The following SLC9C1 variants were observed in gnomAD, a reference collection of about 807,000 sequenced individuals.
SLC9C1 encodes the protein sodium/hydrogen exchanger 10.
SLC9C1 carries 97 observed loss-of-function variants against 140.9 expected under a neutral mutation model. The observed-to-expected ratio is 0.69, with a 90% CI of 0.58 to 0.82. SLC9C1 has a LOEUF of 0.82. Ranked by LOEUF, SLC9C1 falls within the 40% of genes least tolerant of loss-of-function variation. The pLI, the probability that SLC9C1 is intolerant of heterozygous loss-of-function variation, is 0.00. For missense variants in SLC9C1, 1,340 were observed against 1,389.3 expected (o/e 0.96, Z 0.56); for synonymous variants, 440 against 442.6 (o/e 0.99, Z 0.07).
intron 10 of SLC9C1, among the ~76,000 whole-genome samples, chr3:112,256,257 T>C (rs2079603231): frequency 6.6e-6 from 1 of 152,008 alleles, no homozygotes; most frequent in Non-Finnish European, 1.5e-5. Flanking sequence ...TATCAAAACC[T>C]GGCAGAGAAA....
chr3:112,287,160 A>G (rs946858821), intron 1 of SLC9C1, among the ~76,000 whole-genome samples: 1 of 152,208 alleles, frequency 6.6e-6, no homozygotes, highest in Non-Finnish European at 1.5e-5. Context: ...AGGATTCTCC[A>G]TCTAACTATT....
chr3:112,175,228 C>T (rs1490170430), intron 23 of SLC9C1, among the ~76,000 whole-genome samples: 1 of 152,210 alleles, frequency 6.6e-6, no homozygotes, highest in Non-Finnish European at 1.5e-5. Context: ...GGTGTCCGCT[C>T]CAGTCCCTAG....
At position 112,204,474 on chromosome 3, in the gene SLC9C1, T is replaced by A. The variant is rs564684263; in HGVS notation, c.1987-71A>T. The A allele has an allele frequency of 6.4e-5, 94 of 1,465,236 alleles. No homozygotes were observed. The African/African-American group carries it at 1.3e-3, about 21-fold the overall frequency. The allele number at this position is 1,465,236 out of a possible 1,614,324, so 90.8% of individuals were successfully genotyped here. ...TTACTACACCATTTTCCACAATAAT[T>A]TAAACATCATGTTAGGCTTTTCTCT... On this transcript the variant is annotated intron_variant, in intron 16 of 28. Coordinates refer to ENST00000305815, the MANE Select transcript of SLC9C1 (RefSeq NM_183061.3).
At chr3:112,195,303 T>C (rs1185287987) in intron 20 of SLC9C1, among the ~76,000 whole-genome samples, 1 of 152,188 alleles carries the variant, frequency 6.6e-6, no homozygotes, top group Non-Finnish European at 1.5e-5. Context: ...TTTTTGTATA[T>C]GATGTTAGTT....
rs80288108 is a variant in SLC9C1, at chr3:112,209,888, A to T, written c.1791-1515T>A. Among the ~76,000 whole-genome samples, 77 of 152,334 alleles carry T rather than the reference A, an allele frequency of 5.1e-4. No individual in the cohort carries two copies. In the East Asian group the frequency reaches 0.015, roughly 29 times the overall value. ...TCATGGTTTGGAAGGCTTAATATTGATAATATGACAATGCTACCCAAAGCA... is the reference window on the plus strand; with the variant it reads ...TCATGGTTTGGAAGGCTTAATATTGTTAATATGACAATGCTACCCAAAGCA... On this transcript the variant is annotated intron_variant, in intron 15 of 28. Coordinates refer to ENST00000305815, the MANE Select transcript of SLC9C1 (RefSeq NM_183061.3).
At chr3:112,267,596 A>AAAG (rs2079958320) in intron 7 of SLC9C1, among the ~76,000 whole-genome samples, 2 of 138,744 alleles carry the variant, frequency 1.4e-5, no homozygotes, top group African/African-American at 2.6e-5. Context: ...AAAAAAAAAA[A>AAAG]AGAGAGAGAG....
chr3:112,267,432 C>A (rs2079949628), intron 7 of SLC9C1, among the ~76,000 whole-genome samples: 1 of 151,478 alleles, frequency 6.6e-6, no homozygotes, highest in South Asian at 2.1e-4. Context: ...AAAAATTAGC[C>A]GGGCGTCGTG....
At chr3:112,185,741 G>A in intron 20 of SLC9C1, 1 of 1,539,012 alleles carries the variant, frequency 6.5e-7, no homozygotes, top group Non-Finnish European at 8.7e-7. Flanking sequence ...TGAGCCCCCG[G>A]CCTGCCGGGC....
intron 2 of SLC9C1, among the ~76,000 whole-genome samples, chr3:112,285,107 C>T (rs1443274347): frequency 6.6e-6 from 1 of 151,204 alleles, no homozygotes; most frequent in Non-Finnish European, 1.5e-5. Flanking sequence ...CAGCCTCAGC[C>T]TTCTGAGTAG....
intron 23 of SLC9C1, among the ~76,000 whole-genome samples, chr3:112,177,432 C>T (rs1440922873): frequency 6.6e-6 from 1 of 151,816 alleles, no homozygotes; most frequent in African/African-American, 2.4e-5. Context: ...CTACTTGGGT[C>T]TTTCTCCGTG....
At chr3:112,151,363 A>C (rs576423353) in intron 28 of SLC9C1, 3 of 518,950 alleles carry the variant, frequency 5.8e-6, no homozygotes, top group South Asian at 4.2e-5. Context: ...TCCTTTCTTT[A>C]CAAAGACTTT....
At position 112,218,445 on chromosome 3, in the gene SLC9C1, ATTTT is replaced by A. The variant is rs10537019; in HGVS notation, c.1671-888_1671-885del. Among the ~76,000 whole-genome samples the A allele has an allele frequency of 7.7e-5, 11 of 143,360 alleles. 1 individual carries two copies. In the South Asian group the frequency reaches 2.3e-3, roughly 30 times the overall value. The allele number at this position is 143,360 out of a possible 152,430, so 94.0% of individuals were successfully genotyped here. A position where few individuals can be genotyped will look rare whatever the true frequency, so the allele number is the denominator to read the frequency against. On this transcript the variant is annotated intron_variant, in intron 14 of 28. Coordinates refer to ENST00000305815, the MANE Select transcript of SLC9C1 (RefSeq NM_183061.3). ...TTCTTACTTTAAAACTTGTATATAT[ATTTT>A]TTTTTTTACTACAGGGATACTAACG...
At chr3:112,155,872 T>C (rs1265350078) in intron 26 of SLC9C1, among the ~76,000 whole-genome samples, 1 of 152,170 alleles carries the variant, frequency 6.6e-6, no homozygotes, top group African/African-American at 2.4e-5. Context: ...ACAATTTAAA[T>C]ATTTTATTGA....
At chr3:112,153,478 A>G (rs1349521059) in intron 27 of SLC9C1, among the ~76,000 whole-genome samples, 1 of 152,078 alleles carries the variant, frequency 6.6e-6, no homozygotes, top group Non-Finnish European at 1.5e-5. Context: ...CCTAGCCTTC[A>G]GGAGCAGCTG....
At chr3:112,169,835 A>G (rs772249848) in intron 23 of SLC9C1, among the ~76,000 whole-genome samples, 4 of 152,156 alleles carry the variant, frequency 2.6e-5, no homozygotes, top group Non-Finnish European at 4.4e-5. Context: ...TCACTTCAAC[A>G]GTACTAATTC....
intron 28 of SLC9C1, among the ~76,000 whole-genome samples, chr3:112,151,142 A>C (rs1458060634): frequency 6.6e-6 from 1 of 152,120 alleles, no homozygotes; most frequent in Non-Finnish European, 1.5e-5. Context: ...AGCCTGAAGA[A>C]TTACATTTTT....
At position 112,204,115 on chromosome 3, in the gene SLC9C1, C is replaced by G. The variant is rs922342798; in HGVS notation, c.2172+103G>C. 10 of 1,203,714 alleles carry G rather than the reference C, an allele frequency of 8.3e-6. No homozygotes were observed. The African/African-American group carries it at 9.6e-5, about 12-fold the overall frequency. 74.6% of individuals were successfully genotyped at this position (1,203,714 alleles called of 1,614,324 possible). On this transcript the variant is annotated intron_variant, in intron 17 of 28. Coordinates refer to ENST00000305815, the MANE Select transcript of SLC9C1 (RefSeq NM_183061.3). Reference sequence around the variant, plus strand: ...TAAAATTTAAAATATAAACATTAACCCAACAGAATATGTTAACCATAAAAC... The same window carrying G: ...TAAAATTTAAAATATAAACATTAACGCAACAGAATATGTTAACCATAAAAC...
At chr3:112,150,822 A>G (rs1453977812) in intron 28 of SLC9C1, among the ~76,000 whole-genome samples, 29 of 12,998 alleles carry the variant, frequency 2.2e-3, no homozygotes, top group African/African-American at 8.5e-3. Flanking sequence ...ATACATATAC[A>G]TATATATATA....
chr3:112,244,810 T>G (rs2079233941), intron 10 of SLC9C1, among the ~76,000 whole-genome samples: 2 of 152,176 alleles, frequency 1.3e-5, no homozygotes, highest in Non-Finnish European at 2.9e-5. Context: ...GAAACCACAC[T>G]AGAGGCTCCC....
Sources: gnomAD v4.1 joint callset for allele counts (sites outside exome capture counted in the v4.1 genomes callset) on GRCh38, gnomAD v4.1.1 for gene constraint, MANE v1.5 for transcripts, NCBI Gene and HGNC (gene_info 2026-07-23, HGNC 2026-07-21) for gene names.